Variants in ZNF804B observed in about 807,000 individuals in gnomAD.
The protein encoded by ZNF804B is zinc finger 804B.
Under a neutral mutation model 101.4 loss-of-function variants are expected in ZNF804B, and 80 were observed. The ratio of observed to expected loss-of-function variants is 0.79; its 90% CI spans 0.66 to 0.95. The LOEUF (loss-of-function observed/expected upper bound fraction) is 0.95, where lower values mean the gene tolerates loss of function less well. ZNF804B is among the 40% of genes least tolerant of loss of function. ZNF804B has a pLI of 0.00. For missense variants in ZNF804B, 1,673 were observed against 1,561.9 expected (o/e 1.07, Z -1.20); for synonymous variants, 622 against 558.8 (o/e 1.11, Z -1.59).
intron 1 of ZNF804B, among the ~76,000 whole-genome samples, chr7:88,912,773 A>G (rs1403480536): frequency 2.0e-5 from 3 of 152,172 alleles, no homozygotes; most frequent in Admixed American, 6.5e-5. Flanking sequence ...ATATTTTTCC[A>G]TAACTTTACA....
chr7:88,802,110 C>A (rs1475091645), intron 1 of ZNF804B, among the ~76,000 whole-genome samples: 1 of 151,960 alleles, frequency 6.6e-6, no homozygotes, highest in African/African-American at 2.4e-5. Flanking sequence ...TGTGCTCGCT[C>A]CCTCCCGCCT....
chr7:88,962,705 T>G (rs1338594255), intron 1 of ZNF804B, among the ~76,000 whole-genome samples: 1 of 62,452 alleles, frequency 1.6e-5, no homozygotes, highest in African/African-American at 5.5e-5. Context: ...GTTGTTAAAC[T>G]CACATATATA....
At chr7:88,781,963 C>T (rs1215173735) in intron 1 of ZNF804B, among the ~76,000 whole-genome samples, 1 of 152,136 alleles carries the variant, frequency 6.6e-6, no homozygotes, top group Non-Finnish European at 1.5e-5. Context: ...AAATTGGGAG[C>T]TGAGGTGACT....
chr7:89,146,613 A>G lies in ZNF804B; in HGVS notation c.109-71542A>G, dbSNP rs188821136. On this transcript the variant is annotated intron_variant, in intron 1 of 3. Coordinates refer to ENST00000333190, the MANE Select transcript of ZNF804B (RefSeq NM_181646.5). ...TTTCAGAAGTTCTTTCAGCTTTCCT[A>G]AAACTAAGGAAATCAAAATATTCAG... Among the ~76,000 whole-genome samples, 1,475 of 152,174 alleles carry G rather than the reference A, an allele frequency of 9.7e-3. 23 individuals carry two copies. Among genetic ancestry groups the G allele is most frequent in the South Asian group, 0.021 (102 of 4,826 alleles).
At chr7:89,043,016 CT>C (rs1584091443) in intron 1 of ZNF804B, among the ~76,000 whole-genome samples, 1 of 152,058 alleles carries the variant, frequency 6.6e-6, no homozygotes, top group East Asian at 1.9e-4. Context: ...TAAAATATGC[CT>C]TTTTTATTGA....
intron 1 of ZNF804B, among the ~76,000 whole-genome samples, chr7:88,895,520 A>G (rs1404211004): frequency 2.6e-5 from 4 of 152,224 alleles, no homozygotes; most frequent in Non-Finnish European, 2.9e-5. Flanking sequence ...GAGGGCCTAG[A>G]AGCGATGATA....
intron 1 of ZNF804B, among the ~76,000 whole-genome samples, chr7:89,050,629 C>T (rs1789187119): frequency 6.6e-6 from 1 of 152,128 alleles, no homozygotes; most frequent in Non-Finnish European, 1.5e-5. Flanking sequence ...TTCTCATCTT[C>T]TAAAGGTGCA....
chr7:88,929,224 G>A (rs1050099117), intron 1 of ZNF804B, among the ~76,000 whole-genome samples: 9 of 151,798 alleles, frequency 5.9e-5, no homozygotes, highest in African/African-American at 1.2e-4. Flanking sequence ...TTAAAAACGG[G>A]GAGAGAGACT....
chr7:89,276,089 A>G (rs972737659), intron 2 of ZNF804B, among the ~76,000 whole-genome samples: 1 of 151,822 alleles, frequency 6.6e-6, no homozygotes, highest in African/African-American at 2.4e-5. Context: ...AACACCATAT[A>G]TTTTCATGTA....
chr7:88,772,051 A>G (rs1052552013), intron 1 of ZNF804B, among the ~76,000 whole-genome samples: 1 of 152,208 alleles, frequency 6.6e-6, no homozygotes, highest in Non-Finnish European at 1.5e-5. Context: ...GTTATTGCCA[A>G]GAAGATTGTA....
At chr7:89,177,246 T>G (rs796346090) in intron 1 of ZNF804B, among the ~76,000 whole-genome samples, 3 of 152,344 alleles carry the variant, frequency 2.0e-5, no homozygotes, top group African/African-American at 7.2e-5. Context: ...ACATAAGCAC[T>G]TATAGCTAAA....
intron 1 of ZNF804B, among the ~76,000 whole-genome samples, chr7:89,122,070 A>AAT (rs550307603): frequency 9.9e-5 from 15 of 151,696 alleles, no homozygotes; most frequent in African/African-American, 3.6e-4. Flanking sequence ...TGTGTAAAGT[A>AAT]ATATATATAT....
In ZNF804B at chr7:89,218,313, A is replaced by C. The variant is rs1035702768; in HGVS notation, c.249+18A>C. 4 of 1,612,896 alleles carry C rather than the reference A, an allele frequency of 2.5e-6. No homozygotes were observed. In the Admixed American group the frequency reaches 6.7e-5, roughly 27 times the overall value. ...ATAAGCAGGTAAGGCAAAGTGGGAA[A>C]AGTCCTTCATATTCCTGTATTTATA... On this transcript the variant is annotated intron_variant, in intron 2 of 3. Transcript: ENST00000333190.
intron 1 of ZNF804B, among the ~76,000 whole-genome samples, chr7:89,091,123 A>G (rs924783844): frequency 5.3e-5 from 8 of 152,102 alleles, no homozygotes; most frequent in Non-Finnish European, 1.0e-4. Flanking sequence ...AGCTTTTGTC[A>G]TTGAATAATA....
chr7:89,149,953 A>C (rs1400112367), intron 1 of ZNF804B, among the ~76,000 whole-genome samples: 1 of 152,064 alleles, frequency 6.6e-6, no homozygotes, highest in Non-Finnish European at 1.5e-5. Context: ...GTGCCATGAT[A>C]ATTGTTAATT....
chr7:88,766,375 TATTA>T (rs1024353356), intron 1 of ZNF804B, among the ~76,000 whole-genome samples: 9 of 152,336 alleles, frequency 5.9e-5, no homozygotes, highest in Admixed American at 5.9e-4. Flanking sequence ...TCGCTAATGA[TATTA>T]ATTTTCCTGA....
chr7:89,171,048 C>G (rs1429310653), intron 1 of ZNF804B, among the ~76,000 whole-genome samples: 1 of 152,040 alleles, frequency 6.6e-6, no homozygotes, highest in Non-Finnish European at 1.5e-5. Context: ...ACAAAATGCA[C>G]CAGGAAAAAA....
intron 1 of ZNF804B, among the ~76,000 whole-genome samples, chr7:88,793,056 T>A (rs888097121): frequency 9.2e-5 from 14 of 151,814 alleles, no homozygotes; most frequent in East Asian, 5.8e-4. Context: ...GAAAAAAAAA[T>A]AATAAAAAAT....
Position 89,032,171 on chromosome 7 carries a change from A to AT in ZNF804B, c.109-185977dup, listed in dbSNP as rs1005597215. ...CTTTTGCAACATTTTCAGAACGTTGATTTTTTTCCCCCTCAAGTTTTATGT... is the reference window on the plus strand; with the variant it reads ...CTTTTGCAACATTTTCAGAACGTTGATTTTTTTTCCCCCTCAAGTTTTATGT... On this transcript the variant is annotated intron_variant, in intron 1 of 3. Transcript: ENST00000333190. Among the ~76,000 whole-genome samples the AT allele has an allele frequency of 4.6e-5, 7 of 151,990 alleles. No individual in the cohort carries two copies. The South Asian group carries it at 6.2e-4, about 14-fold the overall frequency.
Sources: allele counts gnomAD v4.1 joint callset (sites outside exome capture counted in the v4.1 genomes callset), GRCh38; gene constraint gnomAD v4.1.1; transcripts MANE v1.5; gene names NCBI Gene and HGNC (gene_info 2026-07-23, HGNC 2026-07-21).